AGBL4: variants seen among roughly 807,000 people sequenced by gnomAD.
The protein encoded by AGBL4 is cytosolic carboxypeptidase 6.
Under a neutral mutation model 66.4 loss-of-function variants are expected in AGBL4, and 58 were observed. The observed-to-expected ratio is 0.87, with a 90% CI of 0.71 to 1.09. The LOEUF (loss-of-function observed/expected upper bound fraction) is 1.09. AGBL4 is among the 50% of genes least tolerant of loss of function. The pLI, the probability that AGBL4 is intolerant of heterozygous loss-of-function variation, is 0.00. For synonymous variants in AGBL4, 234 were observed against 222.9 expected (o/e 1.05, Z -0.44); for missense variants, 579 against 631.0 (o/e 0.92, Z 0.88).
intron 3 of AGBL4, among the ~76,000 whole-genome samples, chr1:49,414,315 T>C (rs1438318578): frequency 1.3e-5 from 2 of 152,088 alleles, no homozygotes; most frequent in African/African-American, 2.4e-5. Flanking sequence ...TGAGAAAAAA[T>C]GAAAGTTGCA....
intron 3 of AGBL4, among the ~76,000 whole-genome samples, chr1:49,410,253 T>A (rs1313576433): frequency 6.6e-6 from 1 of 152,192 alleles, no homozygotes; most frequent in East Asian, 1.9e-4. Context: ...CGAGCACGAC[T>A]AGAAACCCGT....
chr1:48,876,569 C>T (rs1197837831), intron 5 of AGBL4, among the ~76,000 whole-genome samples: 3 of 152,126 alleles, frequency 2.0e-5, no homozygotes, highest in Admixed American at 6.5e-5. Flanking sequence ...GACAAATGCC[C>T]ACCCAGTGCA....
rs553989658 is a variant in AGBL4 at position 50,020,880 on chromosome 1, C to T, written c.34+2883G>A. Among the ~76,000 whole-genome samples the T allele has an allele frequency of 4.6e-5, 7 of 152,242 alleles. No individual in the cohort carries two copies. In the South Asian group the frequency reaches 1.5e-3, roughly 32 times the overall value. ...GTGAGATTAAGAAATTACCAGATGG[C>T]CATATTTTGTATCAGGTGACTCCAG... On this transcript the variant is annotated intron_variant, in intron 1 of 13. Coordinates refer to ENST00000371839, the MANE Select transcript of AGBL4 (RefSeq NM_032785.4).
rs190445851 is a variant in AGBL4 at position 49,255,997 on chromosome 1, G to C, written c.283-10133C>G. On this transcript the variant is annotated intron_variant, in intron 3 of 13. Transcript: ENST00000371839. Reference sequence around the variant, plus strand: ...ACACAGAGGGGAACAACACACACTGGGGCCTATGGGAGAGTAAAAAGTGGG... The same window carrying C: ...ACACAGAGGGGAACAACACACACTGCGGCCTATGGGAGAGTAAAAAGTGGG... 5.9e-4 allele frequency among the ~76,000 whole-genome samples: 89 copies of C among 152,106 alleles called. 1 individual carries two copies. Among genetic ancestry groups the C allele is most frequent in the African/African-American group, 2.1e-3 (86 of 41,506 alleles).
chr1:48,561,779 T>A (rs554835334), intron 11 of AGBL4, among the ~76,000 whole-genome samples: 1 of 152,274 alleles, frequency 6.6e-6, no homozygotes, highest in African/African-American at 2.4e-5. Context: ...TCAAGTCTGT[T>A]GACTTTCAGA....
intron 3 of AGBL4, among the ~76,000 whole-genome samples, chr1:49,696,289 G>A (rs920265602): frequency 1.3e-5 from 2 of 151,958 alleles, no homozygotes; most frequent in African/African-American, 4.8e-5. Context: ...TCAAGCATAC[G>A]TTTTTAGTTC....
intron 1 of AGBL4, among the ~76,000 whole-genome samples, chr1:50,020,794 T>C (rs1264288347): frequency 1.3e-5 from 2 of 152,316 alleles, no homozygotes. Context: ...GTAAAATGTA[T>C]AAAGCACTTA....
chr1:48,653,243 A>G, intron 8 of AGBL4, 94 bp downstream of exon 8: 1 of 1,008,182 alleles, frequency 9.9e-7, no homozygotes, highest in Non-Finnish European at 1.4e-6. Context: ...CAGCCTCAAA[A>G]TTCTTCCTCA....
intron 2 of AGBL4, among the ~76,000 whole-genome samples, chr1:49,812,929 C>T (rs1209915619): frequency 6.6e-6 from 1 of 152,092 alleles, no homozygotes; most frequent in Admixed American, 6.6e-5. Context: ...TTGAAGAAGA[C>T]ATATAAATAT....
intron 3 of AGBL4, among the ~76,000 whole-genome samples, chr1:49,602,240 T>G (rs1222001386): frequency 6.6e-6 from 1 of 152,070 alleles, no homozygotes; most frequent in African/African-American, 2.4e-5. Flanking sequence ...TTTTATACTG[T>G]TGGTGGGAGT....
At chr1:48,930,844 T>C (rs1469492433) in intron 5 of AGBL4, among the ~76,000 whole-genome samples, 1 of 152,206 alleles carries the variant, frequency 6.6e-6, no homozygotes, top group Non-Finnish European at 1.5e-5. Context: ...TCTATAATGA[T>C]TTGTTAGATG....
intron 12 of AGBL4, among the ~76,000 whole-genome samples, chr1:48,539,395 C>G (rs1375073271): frequency 1.3e-5 from 2 of 152,102 alleles, no homozygotes; most frequent in African/African-American, 4.8e-5. Flanking sequence ...AAGCCCCATC[C>G]CTGTGGATTC....
chr1:48,913,129 C>G (rs12033195), intron 5 of AGBL4, among the ~76,000 whole-genome samples: 16,625 of 152,166 alleles, frequency 0.11, 1,024 homozygotes, highest in African/African-American at 0.13. Context: ...GTAGGAAACA[C>G]TGGATCATGC....
chr1:49,101,916 C>G (rs1381283106), intron 4 of AGBL4, among the ~76,000 whole-genome samples: 1 of 152,016 alleles, frequency 6.6e-6, no homozygotes, highest in Non-Finnish European at 1.5e-5. Context: ...TGGGAGCTTA[C>G]TAGTGAGAAG....
intron 2 of AGBL4, among the ~76,000 whole-genome samples, chr1:49,754,044 T>A (rs1038002022): frequency 2.0e-5 from 3 of 152,040 alleles, no homozygotes; most frequent in African/African-American, 7.2e-5. Context: ...GATTTTGTTA[T>A]TACCCACATT....
At chr1:48,891,408 T>G (rs967504442) in intron 5 of AGBL4, among the ~76,000 whole-genome samples, 1 of 152,020 alleles carries the variant, frequency 6.6e-6, no homozygotes, top group African/African-American at 2.4e-5. Flanking sequence ...TCCAAAAACT[T>G]TCACTAAGCA....
chr1:49,799,688 A>C (rs1460760881), intron 2 of AGBL4, among the ~76,000 whole-genome samples: 1 of 152,200 alleles, frequency 6.6e-6, no homozygotes, highest in Non-Finnish European at 1.5e-5. Flanking sequence ...ATCAAGACAT[A>C]GTGACTAAGC....
intron 7 of AGBL4, among the ~76,000 whole-genome samples, chr1:48,658,400 T>A (rs1210100453): frequency 6.6e-6 from 1 of 152,236 alleles, no homozygotes; most frequent in Non-Finnish European, 1.5e-5. Flanking sequence ...GTTTGAGGTC[T>A]CTGCTTGGCC....
At chr1:48,870,098 C>T (rs1351295432) in intron 5 of AGBL4, among the ~76,000 whole-genome samples, 4 of 152,012 alleles carry the variant, frequency 2.6e-5, no homozygotes, top group Non-Finnish European at 5.9e-5. Flanking sequence ...ATGGAAACCT[C>T]AAGATTTCCA....
Sources: allele counts gnomAD v4.1 joint callset (sites outside exome capture counted in the v4.1 genomes callset), GRCh38; gene constraint gnomAD v4.1.1; transcripts MANE v1.5; gene names NCBI Gene and HGNC (gene_info 2026-07-23, HGNC 2026-07-21).